The following SHISA6 variants were observed in gnomAD, a reference collection of about 807,000 sequenced individuals.
The protein encoded by SHISA6 is protein shisa-6.
In SHISA6, 22 loss-of-function variants were observed where a neutral mutation model predicts 47.9. The observed-to-expected ratio is 0.46, with a 90% confidence interval of 0.33 to 0.66. The LOEUF (loss-of-function observed/expected upper bound fraction) is 0.66. Ranked by LOEUF, SHISA6 falls within the 30% of genes least tolerant of loss-of-function variation. The pLI, the probability that SHISA6 is intolerant of heterozygous loss-of-function variation, is 0.02. For missense variants in SHISA6, 680 were observed against 764.6 expected, an observed-to-expected ratio of 0.89 and a Z score of 1.30; for synonymous variants, 388 against 337.8, an observed-to-expected ratio of 1.15 and a Z score of -1.63.
intron 3 of SHISA6, among the ~76,000 whole-genome samples, chr17:11,404,705 G>A (rs1913890768): frequency 6.6e-6 from 1 of 152,282 alleles, no homozygotes; most frequent in Non-Finnish European, 1.5e-5. Flanking sequence ...ACACCCCCAC[G>A]TACAGACGAG....
At chr17:11,540,296 G>A (rs1449431588) in intron 3 of SHISA6, among the ~76,000 whole-genome samples, 2 of 152,218 alleles carry the variant, frequency 1.3e-5, no homozygotes, top group East Asian at 3.9e-4. Context: ...GCTGCTGGTT[G>A]GGTTTGATAA....
At chr17:11,277,280 T>TCTCTCTCTCTCTCACACACACA (rs1386997909) in intron 2 of SHISA6, among the ~76,000 whole-genome samples, 21 of 53,908 alleles carry the variant, frequency 3.9e-4, no homozygotes, top group East Asian at 3.6e-3. Flanking sequence ...TCTCTCTCTC[T>TCTCTCTCTCTCTCACACACACA]CACACACACA....
chr17:11,544,592 A>G (rs1002416296), intron 3 of SHISA6, among the ~76,000 whole-genome samples: 10 of 152,236 alleles, frequency 6.6e-5, no homozygotes, highest in Admixed American at 6.5e-4. Flanking sequence ...GAGAAACTGG[A>G]TCACTCATTC....
intron 5 of SHISA6, among the ~76,000 whole-genome samples, chr17:11,556,750 G>A (rs2071984460): frequency 6.6e-6 from 1 of 152,172 alleles, no homozygotes; most frequent in Non-Finnish European, 1.5e-5. Flanking sequence ...TGGCTCAGGA[G>A]GAAGGATACC....
In SHISA6 at chr17:11,560,268, G is replaced by A. The variant is rs1405457502; in HGVS notation, c.*1964G>A. ...GGATCTTAGGGGGATGGAGGCTGGG[G>A]GTTGTGAAAGCCACTGTCAGACCCC... On this transcript the variant is annotated 3_prime_UTR_variant, in exon 6 of 6. Coordinates refer to ENST00000441885, the MANE Select transcript of SHISA6 (RefSeq NM_207386.4). The A allele has an allele frequency of 6.6e-6, 1 of 152,446 alleles. No individual in the cohort carries two copies. Among genetic ancestry groups the A allele is most frequent in the African/African-American group, 2.4e-5 (1 of 41,446 alleles). 9.4% of individuals were successfully genotyped at this position (152,446 alleles called of 1,614,324 possible).
intron 3 of SHISA6, among the ~76,000 whole-genome samples, chr17:11,435,122 T>TCG (rs1470227343): frequency 2.7e-5 from 3 of 111,924 alleles, no homozygotes; most frequent in Admixed American, 8.4e-5. Flanking sequence ...TCTGTCTTTC[T>TCG]CTCTCTCTCT....
intron 3 of SHISA6, among the ~76,000 whole-genome samples, chr17:11,392,940 G>A (rs1913436051): frequency 6.6e-6 from 1 of 152,198 alleles, no homozygotes; most frequent in African/African-American, 2.4e-5. Flanking sequence ...TGGGAGGTGG[G>A]GTACCAGTGG....
intron 2 of SHISA6, among the ~76,000 whole-genome samples, chr17:11,294,229 A>C (rs999353133): frequency 2.6e-5 from 4 of 152,292 alleles, no homozygotes; most frequent in Non-Finnish European, 4.4e-5. Context: ...ATCAGCTCGA[A>C]TGACTCCAAC....
intron 3 of SHISA6, among the ~76,000 whole-genome samples, chr17:11,504,926 G>A (rs1196168852): frequency 1.3e-5 from 2 of 152,214 alleles, no homozygotes; most frequent in Non-Finnish European, 2.9e-5. Context: ...GGGGTTTCAT[G>A]AAGATGTTCA....
In SHISA6 at chr17:11,319,567, A is replaced by G. The variant is rs114279943; in HGVS notation, c.799+56041A>G. 5.2e-3 allele frequency among the ~76,000 whole-genome samples: 794 copies of G among 152,286 alleles called. 9 individuals carry two copies. Among genetic ancestry groups the G allele is most frequent in the African/African-American group, 0.018 (745 of 41,562 alleles). The stretch of plus-strand genomic sequence containing the variant: ...ACTGCTGTTCTCCTTGAGGAGTTGC[A>G]AATGTGGATTGCCTTCTTACTTTTA... On this transcript the variant is annotated intron_variant, in intron 2 of 5. Transcript: ENST00000441885.
chr17:11,372,240 C>T (rs1912651801), intron 2 of SHISA6, among the ~76,000 whole-genome samples: 1 of 152,132 alleles, frequency 6.6e-6, no homozygotes, highest in Non-Finnish European at 1.5e-5. Context: ...CACTGTCTAG[C>T]CTGGTTGAGA....
At chr17:11,385,688 G>A (rs117658964) in intron 3 of SHISA6, among the ~76,000 whole-genome samples, 3,372 of 152,156 alleles carry the variant, frequency 0.022, 60 homozygotes, top group Admixed American at 0.046. Flanking sequence ...AGTGAGTCGT[G>A]CTCTTCAGGT....
chr17:11,537,056 A>G (rs1401213366), intron 3 of SHISA6, among the ~76,000 whole-genome samples: 1 of 151,180 alleles, frequency 6.6e-6, no homozygotes, highest in Non-Finnish European at 1.5e-5. Context: ...CAGAAGACAC[A>G]TTGTTTCCCT....
rs768413167 is a variant in SHISA6, at chr17:11,557,922, C to T, written c.1274C>T (p.Pro425Leu). The change falls in exon 6 of 6, where the codon CCG becomes CTG. Residue 425 changes from proline to leucine, a missense_variant. Coordinates refer to ENST00000441885, the MANE Select transcript of SHISA6 (RefSeq NM_207386.4). ...RAMSQDRVLS[P>L]DRGLPDEFSM... ...ATGTCCCAGGACAGGGTCCTGTCCC[C>T]GGATCGGGGCCTGCCAGATGAGTTC... The T allele has an allele frequency of 6.8e-5, 105 of 1,551,446 alleles. No homozygotes were observed. In the South Asian group the frequency reaches 6.8e-4, roughly 10 times the overall value.
intron 3 of SHISA6, among the ~76,000 whole-genome samples, chr17:11,512,608 A>G (rs1268540225): frequency 1.3e-5 from 2 of 152,324 alleles, no homozygotes; most frequent in Admixed American, 1.3e-4. Flanking sequence ...TATTGCAACA[A>G]AACAAGTAGG....
At chr17:11,520,525 G>A (rs1194026094) in intron 3 of SHISA6, among the ~76,000 whole-genome samples, 1 of 152,056 alleles carries the variant, frequency 6.6e-6, no homozygotes, top group African/African-American at 2.4e-5. Context: ...GGTATCTCAA[G>A]CCTCTCTCCT....
At chr17:11,412,396 T>A (rs1408327479) in intron 3 of SHISA6, among the ~76,000 whole-genome samples, 1 of 152,166 alleles carries the variant, frequency 6.6e-6, no homozygotes. Context: ...CAAATAAATG[T>A]GGCATAGGTC....
chr17:11,293,754 C>G (rs576553859), intron 2 of SHISA6, among the ~76,000 whole-genome samples: 2 of 152,296 alleles, frequency 1.3e-5, no homozygotes, highest in Admixed American at 1.3e-4. Flanking sequence ...GGGATAAGCA[C>G]ACCAACCTCA....
At chr17:11,388,802 ATATATATATATATATATATATAT>A (rs1913282070) in intron 3 of SHISA6, among the ~76,000 whole-genome samples, 1 of 54,668 alleles carries the variant, frequency 1.8e-5, no homozygotes, top group Non-Finnish European at 3.8e-5. Flanking sequence ...ATATATATAT[ATATATATATATATATATATATAT>A]ATATATATAT....
Sources: allele counts gnomAD v4.1 joint callset (sites outside exome capture counted in the v4.1 genomes callset), GRCh38; gene constraint gnomAD v4.1.1; transcripts MANE v1.5; gene names NCBI Gene and HGNC (gene_info 2026-07-23, HGNC 2026-07-21).